The following TNIK variants were observed in gnomAD, a reference collection of about 807,000 sequenced individuals.
The protein encoded by TNIK is TRAF2 and NCK interacting kinase, also known as TRAF2 and NCK-interacting protein kinase.
Under a neutral mutation model 191.3 loss-of-function variants are expected in TNIK, and 49 were observed. That is an observed-to-expected ratio of 0.26 (90% CI 0.20 to 0.32). The LOEUF is 0.32. TNIK is among the 10% of genes least tolerant of loss of function. The pLI, the probability that TNIK is intolerant of heterozygous loss-of-function variation, is 1.00. For synonymous variants in TNIK, 594 were observed against 600.9 expected, an observed-to-expected ratio of 0.99 and a Z score of 0.17; for missense variants, 1,155 against 1,702.3, an observed-to-expected ratio of 0.68 and a Z score of 5.66.
chr3:171,155,751 G>A (rs994486738), intron 12 of TNIK, among the ~76,000 whole-genome samples: 1 of 152,212 alleles, frequency 6.6e-6, no homozygotes, highest in African/African-American at 2.4e-5. Flanking sequence ...CCCTTGCGCA[G>A]AACTCCTTAA....
intron 23 of TNIK, among the ~76,000 whole-genome samples, chr3:171,093,372 C>T (rs559428489): frequency 2.6e-5 from 4 of 152,168 alleles, no homozygotes; most frequent in Admixed American, 6.5e-5. Flanking sequence ...AATAACTTAA[C>T]GGTTGTTTTA....
intron 1 of TNIK, among the ~76,000 whole-genome samples, chr3:171,446,929 G>A (rs1003546726): frequency 6.6e-6 from 1 of 152,182 alleles, no homozygotes; most frequent in Non-Finnish European, 1.5e-5. Flanking sequence ...AGTGGCTCAC[G>A]CCGGTAATCC....
chr3:171,083,052 T>A (rs1469025102), intron 26 of TNIK, among the ~76,000 whole-genome samples: 2 of 152,162 alleles, frequency 1.3e-5, no homozygotes, highest in East Asian at 3.9e-4. Context: ...GTAATCCCTA[T>A]TACAGAAGCA....
In TNIK at chr3:171,089,871, T is replaced by G. The variant is rs528517240; in HGVS notation, c.2722-2365A>C. On this transcript the variant is annotated intron_variant, in intron 23 of 32. Transcript: ENST00000436636. ...ATATATGACATTCCATCAATTATCT[T>G]GCCCTGAGTGACACGGGTTCTAAGT... 6.6e-5 allele frequency among the ~76,000 whole-genome samples: 10 copies of G among 152,322 alleles called. No homozygotes were observed. The East Asian group carries it at 1.7e-3, about 26-fold the overall frequency.
At chr3:171,250,031 G>T (rs1416164694) in intron 2 of TNIK, among the ~76,000 whole-genome samples, 1 of 152,216 alleles carries the variant, frequency 6.6e-6, no homozygotes, top group Non-Finnish European at 1.5e-5. Context: ...CCCAAAGTCA[G>T]CCAGCTGGTA....
In TNIK at chr3:171,236,933, G is replaced by C. The variant is rs1366182147; in HGVS notation, c.124-8712C>G. ...TGGACCACAGACACGATAGGCTGGG[G>C]GTTGGGGGAAATAGATGATAATAAT... On this transcript the variant is annotated intron_variant, in intron 2 of 32. Coordinates refer to ENST00000436636, the MANE Select transcript of TNIK (RefSeq NM_015028.4). 2.0e-5 allele frequency among the ~76,000 whole-genome samples: 3 copies of C among 152,272 alleles called. No individual in the cohort carries two copies. In the East Asian group the frequency reaches 5.8e-4, roughly 29 times the overall value.
intron 4 of TNIK, among the ~76,000 whole-genome samples, chr3:171,203,754 G>C (rs1739708907): frequency 6.6e-6 from 1 of 152,136 alleles, no homozygotes; most frequent in Admixed American, 6.5e-5. Context: ...GTTCTCCCGA[G>C]GTTTGACTCT....
At chr3:171,198,114 T>C (rs1239441481) in intron 4 of TNIK, among the ~76,000 whole-genome samples, 1 of 152,218 alleles carries the variant, frequency 6.6e-6, no homozygotes, top group African/African-American at 2.4e-5. Flanking sequence ...ATGCATGATA[T>C]GTGGATGAAT....
chr3:171,070,170 G>A (rs1719000256), intron 29 of TNIK, among the ~76,000 whole-genome samples: 2 of 152,196 alleles, frequency 1.3e-5, no homozygotes, highest in African/African-American at 2.4e-5. Flanking sequence ...GTAACCTAAT[G>A]CATTCCAATT....
In TNIK at chr3:171,134,381, G is replaced by C. The variant is rs898522292; in HGVS notation, c.1608+3810C>G. Among the ~76,000 whole-genome samples, 18 of 152,168 alleles carry C rather than the reference G, an allele frequency of 1.2e-4. No homozygotes were observed. In the South Asian group the frequency reaches 1.5e-3, roughly 12 times the overall value. On this transcript the variant is annotated intron_variant, in intron 15 of 32. Transcript: ENST00000436636. ...ACTCACTGCAGTCTCAACCTCCCAG[G>C]CTCAAGTCCCACCCTCAGCCTTTGG...
intron 2 of TNIK, among the ~76,000 whole-genome samples, chr3:171,253,598 C>CA (rs1185593597): frequency 7.8e-5 from 11 of 140,388 alleles, no homozygotes; most frequent in African/African-American, 1.3e-4. Context: ...GTCCCCCCCC[C>CA]ACCCCACCCC....
intron 2 of TNIK, among the ~76,000 whole-genome samples, chr3:171,273,764 T>A (rs1389045): frequency 0.25 from 37,779 of 152,086 alleles, 4,851 homozygotes; most frequent in South Asian, 0.28. Context: ...GAATAGAGCC[T>A]TAAGAAAGTG....
In TNIK at chr3:171,289,546, G is replaced by A. The variant is rs1284949498; in HGVS notation, c.124-61325C>T. 2.0e-5 allele frequency among the ~76,000 whole-genome samples: 3 copies of A among 152,158 alleles called. No homozygotes were observed. The East Asian group carries it at 5.8e-4, about 29-fold the overall frequency. ...CTTTGCCAGGAGCAGTTCAGTTCTG[G>A]AACACTTCAGAAAACATGTCTTAAA... On this transcript the variant is annotated intron_variant, in intron 2 of 32. Coordinates refer to ENST00000436636, the MANE Select transcript of TNIK (RefSeq NM_015028.4).
chr3:171,327,074 G>C (rs550716656), intron 2 of TNIK, among the ~76,000 whole-genome samples: 2 of 152,222 alleles, frequency 1.3e-5, no homozygotes, highest in East Asian at 3.9e-4. Flanking sequence ...GCTATCCCTG[G>C]GATGAGACTC....
intron 1 of TNIK, among the ~76,000 whole-genome samples, chr3:171,397,229 T>A (rs1032498531): frequency 2.0e-5 from 3 of 152,218 alleles, no homozygotes; most frequent in Non-Finnish European, 4.4e-5. Flanking sequence ...CTGATTTTCC[T>A]ACTCAACACT....
intron 1 of TNIK, among the ~76,000 whole-genome samples, chr3:171,380,013 ACACACACACACACGCG>A (rs1288448115): frequency 3.7e-4 from 23 of 61,398 alleles, no homozygotes; most frequent in East Asian, 3.2e-3. Flanking sequence ...TGGTCAAAAC[ACACACACACACACGCG>A]CACACACACA....
chr3:171,146,471 T>C (rs535916146), intron 12 of TNIK, among the ~76,000 whole-genome samples: 7 of 152,142 alleles, frequency 4.6e-5, no homozygotes, highest in African/African-American at 1.7e-4. Context: ...CAACGTGTCA[T>C]TGGGATAGAG....
chr3:171,079,371 A>C (rs1720386085), intron 28 of TNIK, 147 bp downstream of exon 28: 10 of 957,834 alleles, frequency 1.0e-5, no homozygotes, highest in Non-Finnish European at 1.4e-5. Context: ...CTTTTAAAAA[A>C]TATAAATAAT....
chr3:171,131,214 G>A (rs34812216), intron 15 of TNIK, among the ~76,000 whole-genome samples: 109 of 149,364 alleles, frequency 7.3e-4, no homozygotes, highest in Admixed American at 6.6e-3. Context: ...AGCGGGCGCC[G>A]GTAGTCCCAG....
Sources: gnomAD v4.1 joint callset for allele counts (sites outside exome capture counted in the v4.1 genomes callset) on GRCh38, gnomAD v4.1.1 for gene constraint, MANE v1.5 for transcripts, NCBI Gene and HGNC (gene_info 2026-07-23, HGNC 2026-07-21) for gene names.